Variants in BAX observed in about 807,000 individuals in gnomAD.
The protein encoded by BAX is BCL2 associated X, apoptosis regulator, also known as apoptosis regulator BAX.
In BAX, 21 loss-of-function variants were observed where a neutral mutation model predicts 26.8. The observed-to-expected ratio is 0.78, with a 90% confidence interval of 0.56 to 1.13. The LOEUF is 1.13. Ranked by LOEUF, BAX falls within the 50% of genes most tolerant of loss-of-function variation. The pLI is 0.00. For synonymous variants in BAX, 110 were observed against 101.8 expected (o/e 1.08, Z -0.49); for missense variants, 236 against 254.6 (o/e 0.93, Z 0.50).
chr19:48,955,941 A>G (rs2038111627), intron 3 of BAX, 108 bp downstream of exon 3: 1 of 1,378,362 alleles, frequency 7.3e-7, no homozygotes. Context: ...TCTGGGCCCC[A>G]CAACTCAGCG....
chr19:48,959,040 ATCT>A (rs1323287520), intron 4 of BAX, among the ~76,000 whole-genome samples: 3 of 151,800 alleles, frequency 2.0e-5, no homozygotes, highest in Middle Eastern at 3.4e-3. Context: ...TCAGGGGTTG[ATCT>A]TCTCTGGTCC....
Position 48,961,087 on chromosome 19 carries a change from T to C in BAX, c.474+173T>C, listed in dbSNP as rs566931225. On this transcript the variant is annotated intron_variant, in intron 5 of 5. Coordinates refer to ENST00000345358, the MANE Select transcript of BAX (RefSeq NM_138761.4). ...GATGTGGTCTATAATGCGTTTTCCT[T>C]ACGTGTCTGATCAATCCCCGATTCA... is the stretch of plus-strand genomic sequence containing the variant. 3.8e-5 allele frequency: 61 copies of C among 1,592,282 alleles called. 1 individual carries two copies. In the South Asian group the frequency reaches 6.4e-4, roughly 17 times the overall value.
intron 1 of BAX, 135 bp from the exon 2 acceptor site, chr19:48,955,413 T>G: frequency 1.0e-6 from 1 of 982,100 alleles, no homozygotes; most frequent in Non-Finnish European, 1.4e-6. Context: ...GGCCCCCCCG[T>G]CACTTTATCT....
intron 4 of BAX, among the ~76,000 whole-genome samples, chr19:48,956,583 G>A (rs936981937): frequency 5.3e-5 from 8 of 152,134 alleles, no homozygotes; most frequent in Admixed American, 2.0e-4. Flanking sequence ...CCTGCTCTCA[G>A]GGAGTTCACG....
Position 48,955,581 on chromosome 19 carries a change from G to A in BAX, c.68G>A (p.Gly23Glu). 2 of 1,613,870 alleles carry A rather than the reference G, an allele frequency of 1.2e-6. No individual in the cohort carries two copies. Among genetic ancestry groups the A allele is most frequent in the South Asian group, 1.1e-5 (1 of 91,024 alleles). ...PTSSEQIMKT[G>E]ALLLQGFIQD... Reference sequence around the variant, plus strand: ...AGCTCTGAGCAGATCATGAAGACAGGGGCCCTTTTGCTTCAGGGGTGAGTT... The same window carrying A: ...AGCTCTGAGCAGATCATGAAGACAGAGGCCCTTTTGCTTCAGGGGTGAGTT... The change falls in exon 2 of 6, where the codon GGG becomes GAG. Residue 23 changes from glycine (G) to glutamate (E), a missense_variant. By Grantham distance (98) the Gly-to-Glu change is moderately conservative (BLOSUM62 -2). Coordinates refer to ENST00000345358, the MANE Select transcript of BAX (RefSeq NM_138761.4).
intron 3 of BAX, 144 bp from the exon 4 acceptor site, chr19:48,956,041 TCTTGTCCCCTTCC>T: frequency 8.4e-7 from 1 of 1,184,934 alleles, no homozygotes; most frequent in Non-Finnish European, 1.2e-6. Context: ...TAAATGTCTG[TCTTGTCCCCTTCC>T]CTTGTCCCCC....
chr19:48,955,014 G>C (rs1343723986), intron 1 of BAX, 52 bp downstream of exon 1: 1 of 1,240,348 alleles, frequency 8.1e-7, no homozygotes, highest in African/African-American at 1.5e-5. Flanking sequence ...TCGCCGGCCC[G>C]TCCGGGATCC....
chr19:48,955,963 G>T, intron 3 of BAX, 130 bp downstream of exon 3: 1 of 1,225,618 alleles, frequency 8.2e-7, no homozygotes. Flanking sequence ...AAACATTCCG[G>T]ACTCCCAGCC....
intron 1 of BAX, 142 bp from the exon 2 acceptor site, chr19:48,955,406 C>A (rs938751659): frequency 2.1e-5 from 19 of 911,222 alleles, no homozygotes; most frequent in Non-Finnish European, 2.9e-5. Context: ...TTGTCTGGGC[C>A]CCCCCGTCAC....
chr19:48,960,090 G>A, intron 4 of BAX: 1 of 326,854 alleles, frequency 3.1e-6, no homozygotes, highest in Admixed American at 3.9e-5. Flanking sequence ...CTTGTGGGCT[G>A]CACTGTGCCT....
At position 48,956,352 on chromosome 19, in the gene BAX, G is replaced by C. The variant is rs1215671207; in HGVS notation, c.369+19G>C. ...GCTCAAGGTGGGCAGCTGCAGGGCA[G>C]TGAGCCCAGGGATGCTCCCCCTCAG... is the stretch of plus-strand genomic sequence containing the variant. On this transcript the variant is annotated intron_variant, in intron 4 of 5. Coordinates refer to ENST00000345358, the MANE Select transcript of BAX (RefSeq NM_138761.4). 2 of 1,537,294 alleles carry C rather than the reference G, an allele frequency of 1.3e-6. No homozygotes were observed. Among genetic ancestry groups the C allele is most frequent in the African/African-American group, 2.8e-5 (2 of 71,324 alleles).
intron 4 of BAX, among the ~76,000 whole-genome samples, chr19:48,959,703 G>A (rs1004066927): frequency 1.3e-5 from 2 of 150,402 alleles, no homozygotes; most frequent in Non-Finnish European, 3.0e-5. Context: ...GCGGATGCCT[G>A]TAATACCAGC....
At chr19:48,956,121 G>T in intron 3 of BAX, 77 bp from the exon 4 acceptor site, 1 of 1,431,854 alleles carries the variant, frequency 7.0e-7, no homozygotes. Flanking sequence ...CTTATCTTTA[G>T]TGTGCGGTGG....
intron 5 of BAX, chr19:48,961,144 C>G: frequency 3.2e-6 from 5 of 1,543,634 alleles, no homozygotes; most frequent in Non-Finnish European, 3.5e-6. Context: ...TGACCCCTGA[C>G]CTCACTGTGA....
chr19:48,957,429 C>G (rs566058878), intron 4 of BAX, among the ~76,000 whole-genome samples: 3 of 150,420 alleles, frequency 2.0e-5, no homozygotes, highest in Admixed American at 2.0e-4. Flanking sequence ...CACACACCAC[C>G]ATGCCTGGCT....
Position 48,956,184 on chromosome 19 carries a change from C to T in BAX, c.234-14C>T, listed in dbSNP as rs2038121325. 1 of 1,506,138 alleles carries T rather than the reference C, an allele frequency of 6.6e-7. No homozygotes were observed. Among genetic ancestry groups the T allele is most frequent in the African/African-American group, 1.4e-5 (1 of 70,186 alleles). 93.3% of individuals were successfully genotyped at this position (1,506,138 alleles called of 1,614,324 possible). A position where few individuals can be genotyped will look rare whatever the true frequency, so the allele number is the denominator to read the frequency against. On this transcript the variant is annotated splice_polypyrimidine_tract_variant and intron_variant, in intron 3 of 5. Transcript: ENST00000345358. ...ATGCCTGCTCCCCGGCACTGGTTCT[C>T]CTCTCTCCTGCAGGATGATTGCCGC...
intron 4 of BAX, among the ~76,000 whole-genome samples, chr19:48,958,095 A>ATTT (rs11400412): frequency 4.1e-5 from 6 of 145,234 alleles, no homozygotes; most frequent in African/African-American, 1.0e-4. Context: ...CGGGGGGGGC[A>ATTT]TTTTTTTTTT....
intron 4 of BAX, among the ~76,000 whole-genome samples, chr19:48,959,681 C>T (rs1012417594): frequency 2.0e-5 from 3 of 149,814 alleles, no homozygotes; most frequent in Non-Finnish European, 4.4e-5. Context: ...AAAAAAATAG[C>T]CCGGTGTGGT....
Position 48,956,225 on chromosome 19 carries a change from C to A in BAX, c.261C>A (p.Ser87=). ...QRMIAAVDTD[S]PREVFFRVAA... Reference sequence around the variant, plus strand: ...TGATTGCCGCCGTGGACACAGACTCCCCCCGAGAGGTCTTTTTCCGAGTGG... The same window carrying A: ...TGATTGCCGCCGTGGACACAGACTCACCCCGAGAGGTCTTTTTCCGAGTGG... Residue 87 remains serine, a synonymous_variant, in exon 4 of 6, where the codon TCC becomes TCA. Coordinates refer to ENST00000345358, the MANE Select transcript of BAX (RefSeq NM_138761.4). The A allele has an allele frequency of 6.3e-7, 1 of 1,581,592 alleles. No homozygotes were observed. Among genetic ancestry groups the A allele is most frequent in the East Asian group, 2.4e-5 (1 of 42,320 alleles).
Sources: allele counts gnomAD v4.1 joint callset (sites outside exome capture counted in the v4.1 genomes callset), GRCh38; gene constraint gnomAD v4.1.1; transcripts MANE v1.5; gene names NCBI Gene and HGNC (gene_info 2026-07-23, HGNC 2026-07-21).